Variants in REDIC1 observed in about 807,000 individuals in gnomAD.
REDIC1 encodes the protein regulator of DNA class I crossover intermediates 1.
At chr12:39,701,063 CA>C in the REDIC1 span, among the ~76,000 whole-genome samples, 1 of 151,220 alleles carries the variant, frequency 6.6e-6, no homozygotes. Context: ...ATCATAATGA[CA>C]GGATCAAATT....
the REDIC1 span, among the ~76,000 whole-genome samples, chr12:39,796,823 T>C: frequency 1.3e-5 from 2 of 152,306 alleles, no homozygotes; most frequent in Admixed American, 1.3e-4. Context: ...TGTACTATTT[T>C]TAATAATGAT....
At chr12:39,808,361 T>G in the REDIC1 span, among the ~76,000 whole-genome samples, 1 of 152,142 alleles carries the variant, frequency 6.6e-6, no homozygotes, top group African/African-American at 2.4e-5. Flanking sequence ...TGAAGTAACA[T>G]CTACGTAATT....
chr12:39,854,425 G>A, the REDIC1 span, among the ~76,000 whole-genome samples: 3 of 152,212 alleles, frequency 2.0e-5, no homozygotes, highest in East Asian at 3.9e-4. Context: ...ATATTGGCTG[G>A]GGCCACATAA....
chr12:39,901,110 T>C, the REDIC1 span, among the ~76,000 whole-genome samples: 18 of 151,860 alleles, frequency 1.2e-4, no homozygotes, highest in Non-Finnish European at 2.1e-4. Context: ...ATTTAATAAA[T>C]GGTGTGGGGA....
At chr12:39,698,966 T>C in the REDIC1 span, among the ~76,000 whole-genome samples, 9 of 151,944 alleles carry the variant, frequency 5.9e-5, no homozygotes, top group African/African-American at 2.2e-4. Context: ...CCAAAATTAG[T>C]AGCAGAAAAT....
the REDIC1 span, chr12:39,650,294 A>G: frequency 1.9e-6 from 3 of 1,612,004 alleles, no homozygotes; most frequent in South Asian, 2.2e-5. This position sits in a 1 kb window ranked among gnomAD's most constrained non-coding sequence, Gnocchi z 4.3. Flanking sequence ...AAAAGTCAAG[A>G]TGTTTTCAGT....
the REDIC1 span, among the ~76,000 whole-genome samples, chr12:39,812,833 AC>A: frequency 5.6e-5 from 7 of 125,188 alleles, no homozygotes; most frequent in South Asian, 2.5e-4. Flanking sequence ...TTGTAGTATT[AC>A]CTTTTTTTTT....
chr12:39,740,440 T>C, the REDIC1 span, among the ~76,000 whole-genome samples: 1 of 152,202 alleles, frequency 6.6e-6, no homozygotes, highest in African/African-American at 2.4e-5. Context: ...CTTTCCAAAA[T>C]GTTGTATCAA....
chr12:39,806,164 A>AT, the REDIC1 span, among the ~76,000 whole-genome samples: 1 of 152,190 alleles, frequency 6.6e-6, no homozygotes, highest in South Asian at 2.1e-4. Flanking sequence ...CAAACTAAAA[A>AT]TTAAGAAAAA....
the REDIC1 span, among the ~76,000 whole-genome samples, chr12:39,811,300 T>G: frequency 1.4e-4 from 22 of 152,160 alleles, no homozygotes; most frequent in East Asian, 3.9e-3. Flanking sequence ...CTTTTACATT[T>G]TCTATTTTAT....
chr12:39,899,560 C>T, the REDIC1 span, among the ~76,000 whole-genome samples: 5 of 151,914 alleles, frequency 3.3e-5, no homozygotes, highest in East Asian at 1.9e-4. Flanking sequence ...CTAGTTCTTT[C>T]AATTGTGATG....
At chr12:39,881,851 T>G in the REDIC1 span, among the ~76,000 whole-genome samples, 1 of 152,100 alleles carries the variant, frequency 6.6e-6, no homozygotes, top group Admixed American at 6.6e-5. Context: ...CACTGTTCAT[T>G]CAATAAAGAT....
chr12:39,778,910 G>A, the REDIC1 span, among the ~76,000 whole-genome samples: 1 of 152,166 alleles, frequency 6.6e-6, no homozygotes, highest in Non-Finnish European at 1.5e-5. Context: ...CAGTTTGGGG[G>A]TTACTTTTTA....
the REDIC1 span, among the ~76,000 whole-genome samples, chr12:39,794,999 CTGTT>C: frequency 1.2e-4 from 19 of 152,096 alleles, no homozygotes; most frequent in Non-Finnish European, 2.8e-4. Context: ...TCATTCTAAT[CTGTT>C]TGGTGTGGAT....
the REDIC1 span, among the ~76,000 whole-genome samples, chr12:39,717,507 G>A: frequency 6.6e-6 from 1 of 152,036 alleles, no homozygotes; most frequent in East Asian, 1.9e-4. Flanking sequence ...GTAGGCTGAG[G>A]AGGAGAAGGG....
At chr12:39,828,422 G>A in the REDIC1 span, among the ~76,000 whole-genome samples, 7 of 151,886 alleles carry the variant, frequency 4.6e-5, no homozygotes. Context: ...CAAATAAAAT[G>A]TAAGAGTGAG....
chr12:39,738,786 T>C, the REDIC1 span, among the ~76,000 whole-genome samples: 1 of 151,962 alleles, frequency 6.6e-6, no homozygotes, highest in Non-Finnish European at 1.5e-5. Context: ...GGAAATAATT[T>C]CATCTGACTT....
chr12:39,713,397 CAT>C, the REDIC1 span, among the ~76,000 whole-genome samples: 2 of 9,106 alleles, frequency 2.2e-4, no homozygotes, highest in Non-Finnish European at 1.2e-3. Context: ...TGTGTAGACA[CAT>C]ACGTATGTAT....
the REDIC1 span, among the ~76,000 whole-genome samples, chr12:39,848,204 C>T: frequency 2.6e-5 from 4 of 152,058 alleles, no homozygotes; most frequent in South Asian, 8.3e-4. Context: ...TAAAAGCTTG[C>T]ACACAGCAAA....
Sources: allele counts gnomAD v4.1 joint callset (sites outside exome capture counted in the v4.1 genomes callset), GRCh38; gene constraint gnomAD v4.1.1; non-coding constraint Gnocchi (gnomAD v3.1); transcripts MANE v1.5; gene names NCBI Gene and HGNC (gene_info 2026-07-23, HGNC 2026-07-21).